Variants in USP7 observed in about 807,000 individuals in gnomAD.
The protein encoded by USP7 is ubiquitin C-terminal hydrolase 7.
A neutral mutation model predicts 162.9 loss-of-function variants in USP7; 9 were observed. That is an observed-to-expected ratio of 0.06 (90% CI 0.03 to 0.10). USP7 has a LOEUF of 0.10. Among genes scored for constraint, USP7 ranks in the 10% least tolerant of loss-of-function variants. USP7 has a pLI of 1.00. For missense variants in USP7, 715 were observed against 1,373.7 expected, an observed-to-expected ratio of 0.52 and a Z score of 7.58; for synonymous variants, 562 against 475.9, an observed-to-expected ratio of 1.18 and a Z score of -2.35.
rs1008059486 is a variant in USP7, at chr16:8,930,284, G to C, written c.184+9C>G. Reference sequence around the variant, plus strand: ...GCCCACTGCGAGGCGGTGAACCACAGGCACTTACCATCCTCCATGTCCTCC... The same window carrying C: ...GCCCACTGCGAGGCGGTGAACCACACGCACTTACCATCCTCCATGTCCTCC... On this transcript the variant is annotated intron_variant, in intron 2 of 30. Coordinates refer to ENST00000344836, the MANE Select transcript of USP7 (RefSeq NM_003470.3). 2 of 1,605,976 alleles carry C rather than the reference G, an allele frequency of 1.2e-6. No homozygotes were observed. Among genetic ancestry groups the C allele is most frequent in the African/African-American group, 1.3e-5 (1 of 74,554 alleles).
At chr16:8,920,184 CTCAA>C (rs781451960) in intron 5 of USP7, among the ~76,000 whole-genome samples, 171 bp downstream of exon 5, 41 of 152,348 alleles carry the variant, frequency 2.7e-4, no homozygotes, top group East Asian at 2.1e-3. Context: ...ATAGAAACTG[CTCAA>C]TCAATCTGTT....
chr16:8,896,722 G>A (rs1432391173), intron 26 of USP7, among the ~76,000 whole-genome samples: 1 of 152,186 alleles, frequency 6.6e-6, no homozygotes, highest in African/African-American at 2.4e-5. Context: ...GAAGATACAA[G>A]GGGAAGGAGG....
chr16:8,904,307 CAG>C, intron 15 of USP7, 126 bp downstream of exon 15: 1 of 1,479,716 alleles, frequency 6.8e-7, no homozygotes, highest in African/African-American at 1.4e-5. Context: ...CACTTGCGTA[CAG>C]AGATGGATGC....
At chr16:8,942,528 C>G (rs1899094554) in intron 1 of USP7, among the ~76,000 whole-genome samples, 1 of 152,178 alleles carries the variant, frequency 6.6e-6, no homozygotes, top group African/African-American at 2.4e-5. Context: ...TCCCTCTGGT[C>G]TTATTAACAA....
intron 1 of USP7, among the ~76,000 whole-genome samples, chr16:8,948,911 C>CTATG (rs778405653): frequency 6.6e-6 from 1 of 152,074 alleles, no homozygotes; most frequent in Non-Finnish European, 1.5e-5. Context: ...CTGCAATGAG[C>CTATG]TATGATCAAA....
In USP7 at chr16:8,898,438, C is replaced by CTTA. The variant is rs755135696; in HGVS notation, c.2641-2_2641-1insTAA. On this transcript the variant is annotated splice_acceptor_variant, in intron 24 of 30. Transcript: ENST00000344836. LOFTEE classifies it high-confidence loss of function. Reference sequence around the variant, plus strand: ...CAAAGTCTGTGATTTTCATCTTAAGCTATTAAGAAAAGAAAGATTCACATC... The same window carrying CTTA: ...CAAAGTCTGTGATTTTCATCTTAAGCTTATATTAAGAAAAGAAAGATTCACATC... 1 of 1,612,424 alleles carries CTTA rather than the reference C, an allele frequency of 6.2e-7. No individual in the cohort carries two copies. The highest frequency in any genetic ancestry group is 8.5e-7 in the Non-Finnish European group (1 of 1,179,260).
intron 1 of USP7, among the ~76,000 whole-genome samples, chr16:8,945,956 C>T (rs1305434367): frequency 6.6e-6 from 1 of 152,020 alleles, no homozygotes. Flanking sequence ...TATGAAGCTT[C>T]CATAATCAAG....
chr16:8,952,340 C>G (rs1269662475), intron 1 of USP7, among the ~76,000 whole-genome samples: 2 of 152,182 alleles, frequency 1.3e-5, no homozygotes, highest in African/African-American at 4.8e-5. Flanking sequence ...TGTTCCAATC[C>G]CAGCTCTGCC....
At position 8,937,567 on chromosome 16, in the gene USP7, G is replaced by A. The variant is rs566617647; in HGVS notation, c.80-7170C>T. Among the ~76,000 whole-genome samples, 44 of 152,166 alleles carry A rather than the reference G, an allele frequency of 2.9e-4. 1 individual carries two copies. The South Asian group carries it at 8.5e-3, about 29-fold the overall frequency. Reference sequence around the variant, plus strand: ...AAAAAATAATAAGTTGGGTGTGGTGGTGCACACCTGTAATCCCAGCCACTT... The same window carrying A: ...AAAAAATAATAAGTTGGGTGTGGTGATGCACACCTGTAATCCCAGCCACTT... On this transcript the variant is annotated intron_variant, in intron 1 of 30. Transcript: ENST00000344836.
chr16:8,911,551 G>A (rs1465710274), intron 10 of USP7, among the ~76,000 whole-genome samples: 1 of 152,196 alleles, frequency 6.6e-6, no homozygotes, highest in East Asian at 1.9e-4. Flanking sequence ...GCGCTGTCAC[G>A]CTCCGGACAC....
intron 2 of USP7, among the ~76,000 whole-genome samples, chr16:8,925,110 A>T (rs1032774770): frequency 6.6e-6 from 1 of 152,228 alleles, no homozygotes; most frequent in Non-Finnish European, 1.5e-5. Context: ...AAGTTCTGCA[A>T]GGTAGACAAG....
chr16:8,897,804 T>G (rs1399047052), intron 25 of USP7, among the ~76,000 whole-genome samples: 2 of 127,260 alleles, frequency 1.6e-5, no homozygotes, highest in Non-Finnish European at 3.2e-5. Context: ...GGGGCTGAGG[T>G]GGGAGGATCA....
intron 30 of USP7, among the ~76,000 whole-genome samples, 171 bp from the exon 31 acceptor site, chr16:8,894,275 C>A (rs1324265769): frequency 6.6e-6 from 1 of 152,218 alleles, no homozygotes; most frequent in Non-Finnish European, 1.5e-5. Flanking sequence ...CACACCCTGA[C>A]TGCGCCTCAG....
chr16:8,953,350 C>A (rs1899644969), intron 1 of USP7, among the ~76,000 whole-genome samples: 1 of 152,116 alleles, frequency 6.6e-6, no homozygotes, highest in Non-Finnish European at 1.5e-5. Context: ...CCGTTCCTGC[C>A]AGTCAGCAGA....
intron 10 of USP7, 105 bp downstream of exon 10, chr16:8,915,147 TTC>T (rs1646769350): frequency 1.9e-6 from 2 of 1,058,464 alleles, no homozygotes; most frequent in African/African-American, 1.6e-5. Flanking sequence ...ATCTGAGCCA[TTC>T]TCTGTGTTTA....
At position 8,899,586 on chromosome 16, in the gene USP7, G is replaced by T. The variant is rs774160827; in HGVS notation, c.2463+18C>A. The T allele has an allele frequency of 1.9e-6, 3 of 1,612,438 alleles. No individual in the cohort carries two copies. In the South Asian group the frequency reaches 3.3e-5, roughly 18 times the overall value. ...TCTGGAGTGGGATCTGAAGAGGAAA[G>T]GAGCATTTATTAAATACCTGAAAAT... On this transcript the variant is annotated intron_variant, in intron 22 of 30. Coordinates refer to ENST00000344836, the MANE Select transcript of USP7 (RefSeq NM_003470.3).
At position 8,893,030 on chromosome 16, in the gene USP7, A is replaced by G. The variant is rs532123053; in HGVS notation, c.*968T>C. 1 of 152,366 alleles carries G rather than the reference A, an allele frequency of 6.6e-6. No individual in the cohort carries two copies. The highest frequency in any genetic ancestry group is 2.1e-4 in the South Asian group (1 of 4,826). The allele number at this position is 152,366 out of a possible 1,614,324, so 9.4% of individuals were successfully genotyped here. ...CACAATGAATATCAACATCAGTGAA[A>G]TTCACTTGCAGACTCACCCAACAAA... On this transcript the variant is annotated 3_prime_UTR_variant, in exon 31 of 31. Transcript: ENST00000344836.
intron 7 of USP7, among the ~76,000 whole-genome samples, 190 bp downstream of exon 7, chr16:8,916,836 A>C (rs975898342): frequency 6.6e-6 from 1 of 152,208 alleles, no homozygotes; most frequent in East Asian, 1.9e-4. Flanking sequence ...ATTCTACAAC[A>C]AAGTGTCTAT....
chr16:8,961,041 T>G (rs1048258009), intron 1 of USP7, among the ~76,000 whole-genome samples: 3 of 152,216 alleles, frequency 2.0e-5, no homozygotes, highest in Admixed American at 6.5e-5. Context: ...CAATTTGAGA[T>G]TCTGCTAAAT....
Sources: gnomAD v4.1 joint callset for allele counts (sites outside exome capture counted in the v4.1 genomes callset) on GRCh38, gnomAD v4.1.1 for gene constraint, MANE v1.5 for transcripts, NCBI Gene and HGNC (gene_info 2026-07-23, HGNC 2026-07-21) for gene names.